Variants in CCBE1 observed in about 807,000 individuals in gnomAD.
The protein encoded by CCBE1 is collagen and calcium binding EGF domains 1.
Under a neutral mutation model 50.0 loss-of-function variants are expected in CCBE1, and 37 were observed. That is an observed-to-expected ratio of 0.74 (90% CI 0.57 to 0.97). The LOEUF is 0.97. CCBE1 is among the 50% of genes least tolerant of loss of function. The pLI is 0.00. For synonymous variants in CCBE1, 234 were observed against 203.7 expected (o/e 1.15, Z -1.27); for missense variants, 538 against 523.8 (o/e 1.03, Z -0.26).
At chr18:59,499,328 G>C (rs933160742) in intron 2 of CCBE1, among the ~76,000 whole-genome samples, 4 of 152,134 alleles carry the variant, frequency 2.6e-5, no homozygotes. Flanking sequence ...ATGCTTTCGT[G>C]GTGAGGGAAG....
chr18:59,652,702 C>G (rs1446259525), intron 2 of CCBE1, among the ~76,000 whole-genome samples: 1 of 152,190 alleles, frequency 6.6e-6, no homozygotes, highest in African/African-American at 2.4e-5. Context: ...CAGTGGCTCC[C>G]GCCTGTAATC....
chr18:59,595,110 G>C (rs1392536948), intron 2 of CCBE1, among the ~76,000 whole-genome samples: 6 of 116,958 alleles, frequency 5.1e-5, no homozygotes, highest in African/African-American at 2.7e-4. Flanking sequence ...GCGAGACTCT[G>C]TCTCAAAAAA....
At chr18:59,579,029 A>T (rs1182542542) in intron 2 of CCBE1, among the ~76,000 whole-genome samples, 1 of 152,222 alleles carries the variant, frequency 6.6e-6, no homozygotes, top group Non-Finnish European at 1.5e-5. Flanking sequence ...ATGCTTGTCA[A>T]ATTACTGGCT....
At chr18:59,561,583 A>T (rs1051809610) in intron 2 of CCBE1, among the ~76,000 whole-genome samples, 4 of 152,158 alleles carry the variant, frequency 2.6e-5, no homozygotes, top group African/African-American at 9.7e-5. Flanking sequence ...AAAAGGTATA[A>T]CTGCCCTGCT....
chr18:59,646,746 T>A (rs1174993187), intron 2 of CCBE1, among the ~76,000 whole-genome samples: 1 of 152,186 alleles, frequency 6.6e-6, no homozygotes, highest in Non-Finnish European at 1.5e-5. Context: ...TTCAAAACGG[T>A]ACTTCCCGAT....
chr18:59,451,635 A>G (rs954984108), intron 6 of CCBE1, among the ~76,000 whole-genome samples: 2 of 152,112 alleles, frequency 1.3e-5, no homozygotes, highest in African/African-American at 4.8e-5. Flanking sequence ...TACACCATTT[A>G]AAAACATGTT....
intron 2 of CCBE1, among the ~76,000 whole-genome samples, chr18:59,626,817 C>T (rs1385674715): frequency 6.6e-6 from 1 of 152,246 alleles, no homozygotes; most frequent in Non-Finnish European, 1.5e-5. Context: ...TGTTCCCATT[C>T]TGCAGACAGG....
chr18:59,660,181 G>A (rs768138343), intron 2 of CCBE1, among the ~76,000 whole-genome samples: 16 of 152,166 alleles, frequency 1.1e-4, no homozygotes, highest in Non-Finnish European at 1.9e-4. Flanking sequence ...TAAAGGAAGG[G>A]ATATCTTTTC....
chr18:59,547,087 G>GAGAGAGGGAA (rs1599000338), intron 2 of CCBE1, among the ~76,000 whole-genome samples: 1 of 112,580 alleles, frequency 8.9e-6, no homozygotes, highest in Admixed American at 8.6e-5. Context: ...GAGAAAGGGA[G>GAGAGAGGGAA]AGAGAGGGAG....
At chr18:59,647,100 A>G (rs1222860008) in intron 2 of CCBE1, among the ~76,000 whole-genome samples, 1 of 152,224 alleles carries the variant, frequency 6.6e-6, no homozygotes, top group East Asian at 1.9e-4. Flanking sequence ...GCTACACTCA[A>G]GAAAATCTTA....
At chr18:59,526,973 A>G (rs1355106638) in intron 2 of CCBE1, among the ~76,000 whole-genome samples, 1 of 152,218 alleles carries the variant, frequency 6.6e-6, no homozygotes, top group Non-Finnish European at 1.5e-5. Flanking sequence ...GCTAAGAAGA[A>G]TGCATATTCT....
At chr18:59,563,314 C>T (rs1339998386) in intron 2 of CCBE1, among the ~76,000 whole-genome samples, 1 of 152,214 alleles carries the variant, frequency 6.6e-6, no homozygotes, top group African/African-American at 2.4e-5. Context: ...ATTAGTTTTT[C>T]TTGATTTTTT....
chr18:59,641,078 G>A (rs990503912), intron 2 of CCBE1, among the ~76,000 whole-genome samples: 1 of 152,106 alleles, frequency 6.6e-6, no homozygotes, highest in South Asian at 2.1e-4. Context: ...TGATTTCTGA[G>A]AGAACTTTAA....
intron 2 of CCBE1, among the ~76,000 whole-genome samples, chr18:59,650,145 T>C (rs148718006): frequency 0.01 from 1,573 of 151,996 alleles, 17 homozygotes; most frequent in African/African-American, 0.035. Context: ...AGAACTAATT[T>C]TCAGAAGCTT....
intron 5 of CCBE1, among the ~76,000 whole-genome samples, chr18:59,461,618 C>A (rs955434302): frequency 1.3e-5 from 2 of 151,982 alleles, no homozygotes; most frequent in African/African-American, 2.4e-5. Context: ...CTGGAGAGCA[C>A]CCTTAGTAGA....
At chr18:59,682,971 A>G (rs144896717) in intron 2 of CCBE1, among the ~76,000 whole-genome samples, 3 of 152,358 alleles carry the variant, frequency 2.0e-5, no homozygotes, top group African/African-American at 7.2e-5. Context: ...TTCCTTTGTA[A>G]AGAAATTATC....
chr18:59,435,098 C>A lies in CCBE1; in HGVS notation c.*810G>T, dbSNP rs922562893. The A allele has an allele frequency of 1.3e-5, 2 of 152,194 alleles. No individual in the cohort carries two copies. The highest frequency in any genetic ancestry group is 2.9e-5 in the Non-Finnish European group (2 of 68,044). The allele number at this position is 152,194 out of a possible 1,614,324, so 9.4% of individuals were successfully genotyped here. On this transcript the variant is annotated 3_prime_UTR_variant, in exon 11 of 11. Transcript: ENST00000439986. ...ATTAAACAGCTTTAAAATATTATAG[C>A]AAACGAGAGCCCATTGTTTTAATGT...
In CCBE1 at chr18:59,627,961, C is replaced by T. The variant is rs552180761; in HGVS notation, c.212+68668G>A. On this transcript the variant is annotated intron_variant, in intron 2 of 10. Coordinates refer to ENST00000439986, the MANE Select transcript of CCBE1 (RefSeq NM_133459.4). ...GGTGCAGTGGCTCACGCCCACAATC[C>T]GGGTACTTTGGGAGGCCAAGGTGGG... 3.9e-5 allele frequency among the ~76,000 whole-genome samples: 6 copies of T among 152,302 alleles called. No individual in the cohort carries two copies. In the South Asian group the frequency reaches 1.0e-3, roughly 26 times the overall value.
At chr18:59,463,714 T>C (rs1911603208) in intron 5 of CCBE1, among the ~76,000 whole-genome samples, 1 of 152,186 alleles carries the variant, frequency 6.6e-6, no homozygotes. Flanking sequence ...ACATCGAATC[T>C]CAACCTAACC....
Sources: allele counts gnomAD v4.1 joint callset (sites outside exome capture counted in the v4.1 genomes callset), GRCh38; gene constraint gnomAD v4.1.1; transcripts MANE v1.5; gene names NCBI Gene and HGNC (gene_info 2026-07-23, HGNC 2026-07-21).